The following DDC variants were observed in gnomAD, a reference collection of about 807,000 sequenced individuals.
The protein encoded by DDC is aromatic-L-amino-acid decarboxylase.
Under a neutral mutation model 60.0 loss-of-function variants are expected in DDC, and 43 were observed. The observed-to-expected ratio is 0.72, with a 90% CI of 0.56 to 0.92. The LOEUF (loss-of-function observed/expected upper bound fraction) is 0.92. DDC is among the 40% of genes least tolerant of loss of function. The probability of loss-of-function intolerance (pLI) is 0.00; values close to 1 mark genes in which losing one functional copy is unlikely to be tolerated. For missense variants in DDC, 573 were observed against 620.2 expected (o/e 0.92, Z 0.81); for synonymous variants, 232 against 234.6 (o/e 0.99, Z 0.10).
At chr7:50,547,698 G>A (rs543989789) in intron 1 of DDC, among the ~76,000 whole-genome samples, 1 of 152,316 alleles carries the variant, frequency 6.6e-6, no homozygotes, top group East Asian at 1.9e-4. Flanking sequence ...AGAAAGGACT[G>A]CGAGTCACAC....
At chr7:50,473,534 T>G (rs2042578575) in intron 11 of DDC, among the ~76,000 whole-genome samples, 1 of 152,234 alleles carries the variant, frequency 6.6e-6, no homozygotes, top group African/African-American at 2.4e-5. Flanking sequence ...ACACATGATG[T>G]GCCATCTCCA....
intron 1 of DDC, 78 bp from the exon 2 acceptor site, chr7:50,544,191 G>A: frequency 9.0e-7 from 1 of 1,113,910 alleles, no homozygotes; most frequent in South Asian, 1.3e-5. Context: ...CAAGCCGTGG[G>A]TAGGGACACC....
rs2043263169 is a variant in DDC, at chr7:50,501,771, A to G, written c.781+2222T>C. Among the ~76,000 whole-genome samples the G allele has an allele frequency of 2.6e-5, 4 of 152,176 alleles. No homozygotes were observed. In the South Asian group the frequency reaches 8.3e-4, roughly 32 times the overall value. On this transcript the variant is annotated intron_variant, in intron 7 of 14. Transcript: ENST00000444124. Reference sequence around the variant, plus strand: ...CACCAACAGTTAGTAATATAACACCATCAATAAAAATGGAAATGTTGGCCG... The same window carrying G: ...CACCAACAGTTAGTAATATAACACCGTCAATAAAAATGGAAATGTTGGCCG...
intron 9 of DDC, among the ~76,000 whole-genome samples, chr7:50,487,724 T>C (rs1404944036): frequency 3.3e-5 from 5 of 152,170 alleles, no homozygotes. Flanking sequence ...TCCAAATGCT[T>C]TTCAAGTTCA....
intron 1 of DDC, among the ~76,000 whole-genome samples, chr7:50,556,212 G>T (rs1273728913): frequency 1.3e-5 from 2 of 152,170 alleles, no homozygotes; most frequent in African/African-American, 2.4e-5. Flanking sequence ...ACTATAGACT[G>T]GGCAGCTTAT....
chr7:50,466,298 A>C (rs1307429544), intron 13 of DDC, among the ~76,000 whole-genome samples: 1 of 151,668 alleles, frequency 6.6e-6, no homozygotes, highest in East Asian at 1.9e-4. Flanking sequence ...GACCAGCCTG[A>C]CCAACATGGT....
chr7:50,511,545 G>A (rs141319951), intron 6 of DDC, among the ~76,000 whole-genome samples: 1,908 of 152,090 alleles, frequency 0.013, 38 homozygotes, highest in African/African-American at 0.044. Flanking sequence ...CGGCTAACAC[G>A]GTGAAACCGT....
chr7:50,513,870 G>A (rs2043654171), intron 6 of DDC, among the ~76,000 whole-genome samples: 2 of 151,736 alleles, frequency 1.3e-5, no homozygotes, highest in Admixed American at 1.3e-4. Context: ...ACCCCCGCCT[G>A]GTGGTCGGTC....
chr7:50,538,121 CT>C (rs991608272), intron 3 of DDC, 142 bp from the exon 4 acceptor site: 9 of 1,022,244 alleles, frequency 8.8e-6, no homozygotes, highest in Admixed American at 8.0e-5. Context: ...GGCCTGAAGG[CT>C]GTTTGACCTA....
At chr7:50,492,060 A>T (rs1759692615) in intron 9 of DDC, among the ~76,000 whole-genome samples, 1 of 146,856 alleles carries the variant, frequency 6.8e-6, no homozygotes, top group African/African-American at 2.5e-5. Flanking sequence ...ACAGGTAAAC[A>T]GAAGGAAGAC....
chr7:50,533,984 G>T (rs1029348250), intron 4 of DDC, among the ~76,000 whole-genome samples: 1 of 152,242 alleles, frequency 6.6e-6, no homozygotes, highest in Non-Finnish European at 1.5e-5. Flanking sequence ...CCAGAGAGCA[G>T]CCCTGAGAAG....
At chr7:50,538,508 G>T (rs745925457) in intron 3 of DDC, among the ~76,000 whole-genome samples, 4 of 152,182 alleles carry the variant, frequency 2.6e-5, no homozygotes, top group Non-Finnish European at 5.9e-5. Context: ...ATGTTCTCGT[G>T]CCTAGATGTG....
chr7:50,536,761 T>A (rs1180071730), intron 4 of DDC, among the ~76,000 whole-genome samples: 1 of 152,236 alleles, frequency 6.6e-6, no homozygotes, highest in Non-Finnish European at 1.5e-5. Flanking sequence ...TTCTCAGGAC[T>A]GGAAGTGGAG....
intron 11 of DDC, among the ~76,000 whole-genome samples, chr7:50,474,245 T>C (rs1562986123): frequency 1.3e-5 from 2 of 152,252 alleles, no homozygotes; most frequent in Non-Finnish European, 2.9e-5. Flanking sequence ...TTTCAAAGAA[T>C]GCTTGGCCTA....
intron 7 of DDC, among the ~76,000 whole-genome samples, chr7:50,501,362 T>C (rs896307): frequency 0.77 from 117,119 of 152,146 alleles, 45,305 homozygotes; most frequent in Admixed American, 0.84. Context: ...CACTTCCCCA[T>C]CGGCAACCTA....
intron 10 of DDC, 74 bp downstream of exon 10, chr7:50,479,713 C>G (rs1562990113): frequency 2.3e-6 from 3 of 1,308,702 alleles, no homozygotes; most frequent in East Asian, 2.3e-5. Flanking sequence ...TCCCCTAACT[C>G]CCAGGGACCT....
Position 50,537,851 on chromosome 7 carries a change from C to T in DDC, c.435+9G>A. 1.2e-6 allele frequency: 2 copies of T among 1,614,168 alleles called. No individual in the cohort carries two copies. ...ATCCCAAAAGTGGCCCTCACAGCTC[C>T]CACCTTACCTGGATCACTCCTCCCC... On this transcript the variant is annotated intron_variant, in intron 4 of 14. Transcript: ENST00000444124.
chr7:50,507,793 G>T (rs1417592587), intron 6 of DDC, among the ~76,000 whole-genome samples: 1 of 152,176 alleles, frequency 6.6e-6, no homozygotes, highest in African/African-American at 2.4e-5. Context: ...GAGAATAGGG[G>T]TGATGTTCTT....
intron 1 of DDC, among the ~76,000 whole-genome samples, chr7:50,556,865 A>G (rs1381011247): frequency 1.3e-5 from 2 of 152,212 alleles, no homozygotes; most frequent in African/African-American, 4.8e-5. Flanking sequence ...CTCATGAAGA[A>G]TAGAAAGAAT....
Sources: allele counts gnomAD v4.1 joint callset (sites outside exome capture counted in the v4.1 genomes callset), GRCh38; gene constraint gnomAD v4.1.1; transcripts MANE v1.5; gene names NCBI Gene and HGNC (gene_info 2026-07-23, HGNC 2026-07-21).